The following AHCYL2 variants were observed in gnomAD, a reference collection of about 807,000 sequenced individuals.
The protein encoded by AHCYL2 is S-adenosylhomocysteine hydrolase-like protein 2.
In AHCYL2, 28 loss-of-function variants were observed where a neutral mutation model predicts 81.4. The observed-to-expected ratio is 0.34, with a 90% CI of 0.25 to 0.47. The LOEUF is 0.47. Ranked by LOEUF, AHCYL2 falls within the 20% of genes least tolerant of loss-of-function variation. AHCYL2 has a pLI of 1.00. For synonymous variants in AHCYL2, 272 were observed against 290.2 expected, an observed-to-expected ratio of 0.94 and a Z score of 0.64; for missense variants, 551 against 785.1, an observed-to-expected ratio of 0.70 and a Z score of 3.56.
chr7:129,399,483 A>G (rs2150925674), intron 5 of AHCYL2, among the ~76,000 whole-genome samples: 1 of 152,120 alleles, frequency 6.6e-6, no homozygotes, highest in South Asian at 2.1e-4. Context: ...AGATTCCTTG[A>G]GAGCTCATTT....
At chr7:129,282,827 CT>C (rs1356631624) in intron 1 of AHCYL2, among the ~76,000 whole-genome samples, 1 of 151,038 alleles carries the variant, frequency 6.6e-6, no homozygotes, top group African/African-American at 2.4e-5. Context: ...GAATCCTTTC[CT>C]TAAGATTTGT....
intron 2 of AHCYL2, among the ~76,000 whole-genome samples, chr7:129,383,348 T>G (rs1278587668): frequency 6.6e-6 from 1 of 152,022 alleles, no homozygotes; most frequent in African/African-American, 2.4e-5. Context: ...TAAAATTTTT[T>G]TGTAGAGATA....
intron 11 of AHCYL2, chr7:129,410,097 G>A: frequency 1.4e-6 from 2 of 1,472,720 alleles, no homozygotes; most frequent in East Asian, 2.3e-5. Context: ...GCTCTGGCAT[G>A]CAAGATAATC....
chr7:129,384,868 A>T (rs1386821677), intron 2 of AHCYL2, among the ~76,000 whole-genome samples: 1 of 152,230 alleles, frequency 6.6e-6, no homozygotes, highest in African/African-American at 2.4e-5. Flanking sequence ...AGGCATTAGG[A>T]CTTAATTTCT....
chr7:129,324,072 G>GATTTTGTAA (rs1189414607), intron 1 of AHCYL2, among the ~76,000 whole-genome samples: 1 of 151,596 alleles, frequency 6.6e-6, no homozygotes, highest in Non-Finnish European at 1.5e-5. Flanking sequence ...AGATTTTGTA[G>GATTTTGTAA]ATTTTTGTAG....
At chr7:129,351,905 GTAAT>G (rs928432035) in intron 1 of AHCYL2, among the ~76,000 whole-genome samples, 9 of 152,190 alleles carry the variant, frequency 5.9e-5, no homozygotes, top group Admixed American at 4.6e-4. Flanking sequence ...TGATAGGTAA[GTAAT>G]TAATAACCAT....
At chr7:129,250,048 C>A (rs56253542) in intron 1 of AHCYL2, among the ~76,000 whole-genome samples, 508 of 152,308 alleles carry the variant, frequency 3.3e-3, no homozygotes, top group African/African-American at 0.012. Context: ...GCCCACACCA[C>A]TCCCAACTTC....
At chr7:129,352,043 A>AT (rs11323551) in intron 1 of AHCYL2, among the ~76,000 whole-genome samples, 2 of 151,670 alleles carry the variant, frequency 1.3e-5, no homozygotes, top group African/African-American at 4.8e-5. Flanking sequence ...CTGGAGTATA[A>AT]TTTTTTTTTT....
chr7:129,331,490 T>C (rs1319070369), intron 1 of AHCYL2, among the ~76,000 whole-genome samples: 1 of 152,202 alleles, frequency 6.6e-6, no homozygotes, highest in Non-Finnish European at 1.5e-5. Context: ...AAGTGTAAAA[T>C]TGATGCAACG....
At chr7:129,389,231 C>G (rs746614999) in intron 3 of AHCYL2, 32 bp downstream of exon 3, 1 of 1,613,230 alleles carries the variant, frequency 6.2e-7, no homozygotes, top group South Asian at 1.1e-5. Flanking sequence ...TCCTTCTTAA[C>G]CTACCTGTGT....
chr7:129,361,751 C>T (rs902714239), intron 1 of AHCYL2, among the ~76,000 whole-genome samples: 9 of 151,500 alleles, frequency 5.9e-5, no homozygotes, highest in African/African-American at 2.2e-4. Context: ...TCAGCCTCCC[C>T]AGTAGCCAGG....
intron 1 of AHCYL2, among the ~76,000 whole-genome samples, chr7:129,366,246 G>A (rs572177501): frequency 6.6e-6 from 1 of 152,014 alleles, no homozygotes; most frequent in African/African-American, 2.4e-5. Context: ...CCCTTGATAC[G>A]TCTGAATGCA....
At chr7:129,413,381 T>C (rs191334990) in intron 11 of AHCYL2, among the ~76,000 whole-genome samples, 1,565 of 151,858 alleles carry the variant, frequency 0.01, 9 homozygotes, top group Middle Eastern at 0.027. Flanking sequence ...GACCTTGTGA[T>C]CCGCCCGTCT....
Position 129,405,188 on chromosome 7 carries a change from T to A in AHCYL2, c.1117T>A (p.Cys373Ser), listed in dbSNP as rs1482862561. 2.5e-6 allele frequency: 4 copies of A among 1,608,854 alleles called. No individual in the cohort carries two copies. The East Asian group carries it at 9.0e-5, about 36-fold the overall frequency. ...CAAACAGAAATTTGACAACCTCTACTGTTGCCGTGAATCAATTCTTGATGG... is the reference window on the plus strand; with the variant it reads ...CAAACAGAAATTTGACAACCTCTACAGTTGCCGTGAATCAATTCTTGATGG... ...VTKQKFDNLY[C>S]CRESILDGLK... Residue 373 changes from cysteine to serine, a missense_variant, in exon 8 of 17, where the codon TGT (cysteine) becomes AGT (serine). Transcript: ENST00000325006.
At chr7:129,418,631 A>G (rs1334643411) in intron 12 of AHCYL2, among the ~76,000 whole-genome samples, 1 of 152,104 alleles carries the variant, frequency 6.6e-6, no homozygotes, top group Non-Finnish European at 1.5e-5. Context: ...TCTGGAGGCC[A>G]GGTGTGGTGG....
intron 11 of AHCYL2, among the ~76,000 whole-genome samples, chr7:129,410,706 A>G (rs1369240179): frequency 6.6e-6 from 1 of 152,220 alleles, no homozygotes; most frequent in Non-Finnish European, 1.5e-5. Context: ...CCAAAGAGGT[A>G]GATTTTGAGT....
chr7:129,345,733 T>C (rs1296442522), intron 1 of AHCYL2, among the ~76,000 whole-genome samples: 1 of 152,100 alleles, frequency 6.6e-6, no homozygotes, highest in African/African-American at 2.4e-5. Context: ...GATAGGATCA[T>C]TGGCTGGAGA....
chr7:129,304,949 C>T (rs1338886838), intron 1 of AHCYL2, among the ~76,000 whole-genome samples: 2 of 149,520 alleles, frequency 1.3e-5, no homozygotes, highest in Admixed American at 1.3e-4. Flanking sequence ...TTTTTTTGGT[C>T]TTCTCTTTCT....
Position 129,422,922 on chromosome 7 carries a change from T to G in AHCYL2, c.1544T>G (p.Ile515Arg). Residue 515 changes from isoleucine (I) to arginine (R), a missense_variant, in exon 13 of 17, where the codon ATA (isoleucine) becomes AGA (arginine). By Grantham distance (97) the Ile-to-Arg change is moderately conservative. Transcript: ENST00000325006. ...DHVIWPDGKRIVLLAEGRLLN... is the reference protein window; with the variant it reads ...DHVIWPDGKRRVLLAEGRLLN... ...GTGATATGGCCTGATGGCAAGAGGA[T>G]AGTACTGCTGGCAGAGGTAAGGCTG... 1 of 1,614,014 alleles carries G rather than the reference T, an allele frequency of 6.2e-7. No individual in the cohort carries two copies. Among genetic ancestry groups the G allele is most frequent in the Non-Finnish European group, 8.5e-7 (1 of 1,180,004 alleles).
Sources: allele counts gnomAD v4.1 joint callset (sites outside exome capture counted in the v4.1 genomes callset), GRCh38; gene constraint gnomAD v4.1.1; transcripts MANE v1.5; gene names NCBI Gene and HGNC (gene_info 2026-07-23, HGNC 2026-07-21).